The following SLC22A9 variants were observed in gnomAD, a reference collection of about 807,000 sequenced individuals.
SLC22A9 encodes organic anion transporter 7.
A neutral mutation model predicts 50.1 loss-of-function variants in SLC22A9; 64 were observed. The ratio of observed to expected loss-of-function variants is 1.28; its 90% CI spans 1.04 to 1.57. The LOEUF is 1.57. Ranked by LOEUF, SLC22A9 falls within the 40% of genes most tolerant of loss-of-function variation. The pLI is 0.00. For missense variants in SLC22A9, 757 were observed against 676.1 expected, an observed-to-expected ratio of 1.12 and a Z score of -1.33; for synonymous variants, 261 against 242.5, an observed-to-expected ratio of 1.08 and a Z score of -0.71.
chr11:63,398,085 T>G (rs530245640), intron 6 of SLC22A9, among the ~76,000 whole-genome samples: 1 of 152,246 alleles, frequency 6.6e-6, no homozygotes, highest in East Asian at 1.9e-4. Context: ...ACCCAAGGTT[T>G]TTTAGTCAGC....
chr11:63,373,310 G>A (rs1010028549), intron 2 of SLC22A9, among the ~76,000 whole-genome samples: 4 of 151,994 alleles, frequency 2.6e-5, no homozygotes, highest in African/African-American at 7.2e-5. Flanking sequence ...AAGTACATGG[G>A]AGACACATTG....
At chr11:63,375,222 G>C (rs999864636) in intron 4 of SLC22A9, among the ~76,000 whole-genome samples, 1 of 152,156 alleles carries the variant, frequency 6.6e-6, no homozygotes, top group Non-Finnish European at 1.5e-5. Context: ...ATATGACCAG[G>C]AGTGATTCTA....
At chr11:63,406,803 AG>A (rs1349009363) in intron 7 of SLC22A9, 92 bp downstream of exon 7, 12 of 1,370,756 alleles carry the variant, frequency 8.8e-6, no homozygotes, top group Non-Finnish European at 1.2e-5. Context: ...CAAGAAGGAA[AG>A]GGAGAATTGG....
At chr11:63,393,106 T>C (rs200089737) in intron 6 of SLC22A9, among the ~76,000 whole-genome samples, 2 of 152,226 alleles carry the variant, frequency 1.3e-5, no homozygotes, top group East Asian at 3.8e-4. Context: ...ATACTGATTC[T>C]ACCCATCCAT....
At chr11:63,406,833 C>A (rs2015049265) in intron 7 of SLC22A9, 122 bp downstream of exon 7, 2 of 1,107,788 alleles carry the variant, frequency 1.8e-6, no homozygotes, top group African/African-American at 1.6e-5. Flanking sequence ...GATTTCCTGA[C>A]ACCAATCTGG....
rs190041645 is a variant in SLC22A9, at chr11:63,382,093, A to G, written c.955-66A>G. The G allele has an allele frequency of 5.7e-4, 659 of 1,164,520 alleles. 3 individuals are homozygous for G. The highest frequency in any genetic ancestry group is 4.1e-5 in the Non-Finnish European group (33 of 806,786). The allele number at this position is 1,164,520 out of a possible 1,614,324, so 72.1% of individuals were successfully genotyped here. ...CTCACTTCTCATCTGTGGGTTGACC[A>G]GTGCGCCTACAGTGCCTACTCTTTT... is the stretch of plus-strand genomic sequence containing the variant. On this transcript the variant is annotated intron_variant, in intron 5 of 9. Transcript: ENST00000279178.
intron 7 of SLC22A9, 34 bp from the exon 8 acceptor site, chr11:63,408,078 A>T (rs1295790788): frequency 6.4e-7 from 1 of 1,569,550 alleles, no homozygotes; most frequent in South Asian, 1.1e-5. Context: ...TTCAGCTCAG[A>T]TTTCCTGAGG....
chr11:63,379,117 C>A (rs191079628), intron 5 of SLC22A9, among the ~76,000 whole-genome samples: 36 of 152,208 alleles, frequency 2.4e-4, no homozygotes, highest in African/African-American at 8.4e-4. Context: ...TGACTTTGAA[C>A]CATACTACGA....
intron 4 of SLC22A9, among the ~76,000 whole-genome samples, chr11:63,374,673 A>T (rs1217546357): frequency 6.6e-6 from 1 of 152,132 alleles, no homozygotes; most frequent in African/African-American, 2.4e-5. Flanking sequence ...GTTTTCCCCA[A>T]TACAGGAAAA....
chr11:63,402,293 T>C (rs886670330), intron 6 of SLC22A9, among the ~76,000 whole-genome samples: 1 of 152,100 alleles, frequency 6.6e-6, no homozygotes, highest in Non-Finnish European at 1.5e-5. Flanking sequence ...TTGTATATGG[T>C]CAAAGGAAGG....
chr11:63,406,647 A>G lies in SLC22A9; in HGVS notation c.1224A>G (p.Ala408=), dbSNP rs753443128. 13 of 1,613,810 alleles carry G rather than the reference A, an allele frequency of 8.1e-6. No individual in the cohort carries two copies. The highest frequency in any genetic ancestry group is 1.1e-5 in the Non-Finnish European group (13 of 1,179,840). Residue 408 remains alanine (A), a synonymous_variant, in exon 7 of 10, where the codon GCA becomes GCG. Coordinates refer to ENST00000279178, the MANE Select transcript of SLC22A9 (RefSeq NM_080866.3). ...PWALKYMNRR[A]SQMLLMFLLA... ...CACTGAAATACATGAACCGTCGAGC[A>G]AGCCAGATGCTTCTCATGTTCCTAC... is the stretch of plus-strand genomic sequence containing the variant.
chr11:63,387,022 T>C (rs1233339346), intron 6 of SLC22A9, among the ~76,000 whole-genome samples: 2 of 152,114 alleles, frequency 1.3e-5, no homozygotes, highest in Non-Finnish European at 2.9e-5. Flanking sequence ...CTTTTTGATG[T>C]GGGCACTTAG....
rs1339295504 is a variant in SLC22A9 at position 63,408,153 on chromosome 11, G to C, written c.1330G>C (p.Gly444Arg). 1 of 1,613,726 alleles carries C rather than the reference G, an allele frequency of 6.2e-7. No individual in the cohort carries two copies. Among genetic ancestry groups the C allele is most frequent in the South Asian group, 1.1e-5 (1 of 91,066 alleles). The change falls in exon 8 of 10, where the codon GGA (glycine) becomes CGA (arginine). Residue 444 changes from glycine (G) to arginine (R), a missense_variant. By Grantham distance (125) the Gly-to-Arg change is moderately radical (BLOSUM62 -2). Transcript: ENST00000279178. ...LREVLATLGL[G>R]ASALANTLAF... ...TGAGGTTTTGGCAACACTGGGCTTA[G>C]GAGCGTCTGCTCTTGCCAATACCCT...
chr11:63,371,000 G>C, intron 1 of SLC22A9, 135 bp from the exon 2 acceptor site: 1 of 605,124 alleles, frequency 1.7e-6, no homozygotes, highest in South Asian at 2.2e-5. Context: ...CAAAGGTCAG[G>C]TAATGCTGAG....
rs552934002 is a variant in SLC22A9, at chr11:63,382,834, C to T, written c.1073+557C>T. On this transcript the variant is annotated intron_variant, in intron 6 of 9. Transcript: ENST00000279178. Reference sequence around the variant, plus strand: ...AAAATAGAGGTAAGATGTTGTAAAACAATAGATGAGCACAAACCCAAGAAC... The same window carrying T: ...AAAATAGAGGTAAGATGTTGTAAAATAATAGATGAGCACAAACCCAAGAAC... Among the ~76,000 whole-genome samples the T allele has an allele frequency of 3.9e-4, 60 of 152,188 alleles. 3 individuals carry two copies. The highest frequency in any genetic ancestry group is 2.3e-3 in the East Asian group (12 of 5,180).
intron 6 of SLC22A9, among the ~76,000 whole-genome samples, chr11:63,400,142 A>T (rs1446135414): frequency 6.6e-6 from 1 of 152,064 alleles, no homozygotes; most frequent in African/African-American, 2.4e-5. Context: ...CAACAAATGA[A>T]ACCCAAAATT....
rs77296359 is a variant in SLC22A9 at position 63,382,851 on chromosome 11, C to T, written c.1073+574C>T. Reference sequence around the variant, plus strand: ...TTGTAAAACAATAGATGAGCACAAACCCAAGAACAGTTGCACTGAAATGGG... The same window carrying T: ...TTGTAAAACAATAGATGAGCACAAATCCAAGAACAGTTGCACTGAAATGGG... On this transcript the variant is annotated intron_variant, in intron 6 of 9. Coordinates refer to ENST00000279178, the MANE Select transcript of SLC22A9 (RefSeq NM_080866.3). 2.6e-3 allele frequency among the ~76,000 whole-genome samples: 389 copies of T among 152,234 alleles called. 2 individuals carry two copies. The highest frequency in any genetic ancestry group is 8.9e-3 in the African/African-American group (371 of 41,538).
chr11:63,399,699 T>G (rs2014922053), intron 6 of SLC22A9, among the ~76,000 whole-genome samples: 1 of 152,144 alleles, frequency 6.6e-6, no homozygotes, highest in African/African-American at 2.4e-5. Flanking sequence ...TGAAATAGAC[T>G]TAATAAATTT....
At position 63,410,257 on chromosome 11, in the gene SLC22A9, A is replaced by AAAAAAAAAAGAAGGAAAGAAAGAAAG; in HGVS notation, c.*398_*399insAAAAAAGAAGGAAAGAAAGAAAGAAA. 2 of 108,486 alleles carry AAAAAAAAAAGAAGGAAAGAAAGAAAG rather than the reference A, an allele frequency of 1.8e-5. No individual in the cohort carries two copies. Among genetic ancestry groups the AAAAAAAAAAGAAGGAAAGAAAGAAAG allele is most frequent in the African/African-American group, 4.4e-5 (1 of 22,664 alleles). 6.7% of individuals were successfully genotyped at this position (108,486 alleles called of 1,614,324 possible). A position where few individuals can be genotyped will look rare whatever the true frequency, so the allele number is the denominator to read the frequency against. On this transcript the variant is annotated 3_prime_UTR_variant, in exon 10 of 10. Coordinates refer to ENST00000279178, the MANE Select transcript of SLC22A9 (RefSeq NM_080866.3). ...CTGTCTCAAAAAAAAAAAAAAAAAAAAAAGAAAGAAGGAAAGAAAGAAAGA... is the reference window on the plus strand; with the variant it reads ...CTGTCTCAAAAAAAAAAAAAAAAAAAAAAAAAAAAGAAGGAAAGAAAGAAAGAAAGAAAGAAGGAAAGAAAGAAAGA...
Sources: gnomAD v4.1 joint callset for allele counts (sites outside exome capture counted in the v4.1 genomes callset) on GRCh38, gnomAD v4.1.1 for gene constraint, MANE v1.5 for transcripts, NCBI Gene and HGNC (gene_info 2026-07-23, HGNC 2026-07-21) for gene names.